The following FGD5 variants were observed in gnomAD, a reference collection of about 807,000 sequenced individuals.
The protein encoded by FGD5 is FYVE, RhoGEF and PH domain-containing protein 5.
Under a neutral mutation model 133.4 loss-of-function variants are expected in FGD5, and 28 were observed. The ratio of observed to expected loss-of-function variants is 0.21; its 90% CI spans 0.16 to 0.29. FGD5 has a LOEUF of 0.29. Ranked by LOEUF, FGD5 falls within the 10% of genes least tolerant of loss-of-function variation. The probability of loss-of-function intolerance (pLI) is 1.00; values close to 1 mark genes in which losing one functional copy is unlikely to be tolerated. For missense variants in FGD5, 1,858 were observed against 1,895.2 expected (o/e 0.98, Z 0.36); for synonymous variants, 810 against 776.5 (o/e 1.04, Z -0.72).
intron 10 of FGD5, among the ~76,000 whole-genome samples, chr3:14,910,150 G>A (rs965095102): frequency 2.0e-5 from 3 of 152,148 alleles, no homozygotes; most frequent in African/African-American, 7.2e-5. Flanking sequence ...GTAAAAGTCT[G>A]TATACAATTT....
chr3:14,810,791 T>G (rs2036280063), upstream of FGD5: 3 of 981,910 alleles, frequency 3.1e-6, no homozygotes, highest in African/African-American at 3.5e-5. Context: ...GTGTGCGGAG[T>G]CGCACTGGGA....
chr3:14,846,024 G>A (rs1023227840), intron 1 of FGD5, among the ~76,000 whole-genome samples: 1 of 152,136 alleles, frequency 6.6e-6, no homozygotes, highest in African/African-American at 2.4e-5. Flanking sequence ...AAGCCCCGTG[G>A]TTTATTGACA....
intron 1 of FGD5, among the ~76,000 whole-genome samples, chr3:14,840,073 G>T (rs1005685315): frequency 6.6e-5 from 10 of 152,046 alleles, no homozygotes; most frequent in Non-Finnish European, 1.5e-4. Context: ...CCCCTGCCTA[G>T]TTACTGCATC....
At position 14,910,910 on chromosome 3, in the gene FGD5, G is replaced by C. The variant is rs755965401; in HGVS notation, c.3386G>C (p.Arg1129Pro). 6.2e-7 allele frequency: 1 copy of C among 1,613,040 alleles called. No homozygotes were observed. The highest frequency in any genetic ancestry group is 1.7e-5 in the Admixed American group (1 of 59,918). Reference protein sequence around the residue: ...TLMKVTGKNRRPRHLFLMNDV... With the variant: ...TLMKVTGKNRPPRHLFLMNDV... Reference sequence around the variant, plus strand: ...ATGAAAGTAACAGGGAAAAACAGACGGCCCCGGCACCTATTTCTGGTAAGT... The same window carrying C: ...ATGAAAGTAACAGGGAAAAACAGACCGCCCCGGCACCTATTTCTGGTAAGT... The change falls in exon 11 of 20, where the codon CGG becomes CCG. Residue 1129 changes from arginine to proline, a missense_variant. This residue lies in a region of FGD5 where 1,824 missense variants were observed against 1,848.9 expected (regional missense o/e 0.99). Coordinates refer to ENST00000285046, the MANE Select transcript of FGD5 (RefSeq NM_152536.4).
chr3:14,862,562 C>A (rs567393662), intron 1 of FGD5, among the ~76,000 whole-genome samples: 8 of 152,096 alleles, frequency 5.3e-5, no homozygotes, highest in African/African-American at 1.9e-4. Context: ...GCAAGCCTGG[C>A]GGGGTGTTAT....
chr3:14,905,793 A>C (rs1297545683), intron 9 of FGD5, among the ~76,000 whole-genome samples: 1 of 152,120 alleles, frequency 6.6e-6, no homozygotes, highest in African/African-American at 2.4e-5. Context: ...TCTCCTCTTG[A>C]AAATGAGTTG....
chr3:14,879,265 C>T (rs1014033805), intron 2 of FGD5, among the ~76,000 whole-genome samples: 1 of 152,220 alleles, frequency 6.6e-6, no homozygotes. Context: ...CATGGGCCAC[C>T]GCTGCCAGCC....
At chr3:14,841,883 G>A (rs1023787632) in intron 1 of FGD5, among the ~76,000 whole-genome samples, 4 of 152,184 alleles carry the variant, frequency 2.6e-5, no homozygotes, top group Non-Finnish European at 4.4e-5. Flanking sequence ...CAGGGTCCAG[G>A]CCCTGGCCCT....
At chr3:14,862,188 G>GCTGCTAA (rs1369089538) in intron 1 of FGD5, among the ~76,000 whole-genome samples, 3 of 152,166 alleles carry the variant, frequency 2.0e-5, no homozygotes, top group Non-Finnish European at 4.4e-5. Context: ...TGGTAGGAGT[G>GCTGCTAA]CTGCTAACTG....
Position 14,864,138 on chromosome 3 carries a change from G to A in FGD5, c.2536G>A (p.Glu846Lys). 7 of 1,613,624 alleles carry A rather than the reference G, an allele frequency of 4.3e-6. No individual in the cohort carries two copies. The highest frequency in any genetic ancestry group is 5.9e-6 in the Non-Finnish European group (7 of 1,179,620). Residue 846 changes from glutamate (E) to lysine (K), a missense_variant, in exon 2 of 20, where the codon GAG becomes AAG. This residue lies in a region of FGD5 where 1,824 missense variants were observed against 1,848.9 expected (regional missense o/e 0.99). Transcript: ENST00000285046. ...ADQDAESAYT[E>K]PYKVCPISSA... ...CCTGCTTTGACCCAGCGCCTACACA[G>A]AGCCCTACAAAGTCTGTCCCATCTC...
At chr3:14,901,952 A>G (rs1465414627) in intron 9 of FGD5, among the ~76,000 whole-genome samples, 1 of 152,144 alleles carries the variant, frequency 6.6e-6, no homozygotes, top group Non-Finnish European at 1.5e-5. Context: ...CAGGGTTCAG[A>G]GAAGGGAGGT....
chr3:14,880,067 C>T (rs1002742486), intron 2 of FGD5, among the ~76,000 whole-genome samples: 1 of 152,166 alleles, frequency 6.6e-6, no homozygotes, highest in Non-Finnish European at 1.5e-5. Context: ...GCATTTACAG[C>T]TGGGCTCGGT....
intron 4 of FGD5, among the ~76,000 whole-genome samples, chr3:14,886,824 T>A (rs77185823): frequency 6.6e-6 from 1 of 152,318 alleles, no homozygotes; most frequent in African/African-American, 2.4e-5. Context: ...CAAGTATTTG[T>A]GTGTTTCCCA....
At chr3:14,841,772 GA>G (rs1400676909) in intron 1 of FGD5, among the ~76,000 whole-genome samples, 1 of 152,134 alleles carries the variant, frequency 6.6e-6, no homozygotes, top group Non-Finnish European at 1.5e-5. Flanking sequence ...CCTGCCCCCA[GA>G]ACACACCTCT....
intron 1 of FGD5, among the ~76,000 whole-genome samples, chr3:14,836,517 A>C (rs1427142991): frequency 6.6e-6 from 1 of 152,238 alleles, no homozygotes; most frequent in Admixed American, 6.5e-5. Flanking sequence ...ACCGTGAGTG[A>C]GGAGAGTTCA....
At chr3:14,899,079 G>C (rs1330245423) in intron 7 of FGD5, among the ~76,000 whole-genome samples, 1 of 152,050 alleles carries the variant, frequency 6.6e-6, no homozygotes, top group Non-Finnish European at 1.5e-5. Flanking sequence ...CCCCTCCCCA[G>C]CTTGCACTTC....
At chr3:14,821,643 C>T in intron 1 of FGD5, 47 bp downstream of exon 1, 1 of 1,485,988 alleles carries the variant, frequency 6.7e-7, no homozygotes, top group Non-Finnish European at 8.9e-7. Context: ...TGTAACTGTC[C>T]AGGAGGCAGC....
chr3:14,823,355 T>C (rs1663541720), intron 1 of FGD5, among the ~76,000 whole-genome samples: 1 of 152,214 alleles, frequency 6.6e-6, no homozygotes, highest in Non-Finnish European at 1.5e-5. Flanking sequence ...CATCGGGTGC[T>C]GGGTACTCTG....
chr3:14,917,170 C>T lies in FGD5; in HGVS notation c.3406-79C>T. Reference sequence around the variant, plus strand: ...TACAAGATGCCTGTGCACAGCGGAGCTCAGGGATCCTTTGAGGACAGAAGC... The same window carrying T: ...TACAAGATGCCTGTGCACAGCGGAGTTCAGGGATCCTTTGAGGACAGAAGC... On this transcript the variant is annotated intron_variant, in intron 11 of 19. Transcript: ENST00000285046. This position sits in a 1 kb window ranked among gnomAD's most constrained non-coding sequence, Gnocchi z 4.1. 7.5e-7 allele frequency: 1 copy of T among 1,332,046 alleles called. No homozygotes were observed. Among genetic ancestry groups the T allele is most frequent in the South Asian group, 1.3e-5 (1 of 76,894 alleles). 82.5% of individuals were successfully genotyped at this position (1,332,046 alleles called of 1,614,324 possible). A position where few individuals can be genotyped will look rare whatever the true frequency, so the allele number is the denominator to read the frequency against.
Sources: gnomAD v4.1 joint callset for allele counts (sites outside exome capture counted in the v4.1 genomes callset) on GRCh38, gnomAD v4.1.1 for gene constraint, gnomAD v4.1.1 regional missense constraint, Gnocchi (gnomAD v3.1) non-coding constraint, MANE v1.5 for transcripts, NCBI Gene and HGNC (gene_info 2026-07-23, HGNC 2026-07-21) for gene names.